The following EEF1E1 variants were observed in gnomAD, a reference collection of about 807,000 sequenced individuals.
EEF1E1 encodes the protein eukaryotic translation elongation factor 1 epsilon 1, also known as eukaryotic translation elongation factor 1 epsilon-1.
A neutral mutation model predicts 19.9 loss-of-function variants in EEF1E1; 19 were observed. The ratio of observed to expected loss-of-function variants is 0.95; its 90% CI spans 0.66 to 1.40. The LOEUF (loss-of-function observed/expected upper bound fraction) is 1.40, where lower values mean the gene tolerates loss of function less well. EEF1E1 is among the 40% of genes most tolerant of loss of function. The pLI, the probability that EEF1E1 is intolerant of heterozygous loss-of-function variation, is 0.00. For missense variants in EEF1E1, 198 were observed against 202.2 expected, an observed-to-expected ratio of 0.98 and a Z score of 0.13; for synonymous variants, 81 against 80.0, an observed-to-expected ratio of 1.01 and a Z score of -0.07.
At chr6:8,087,194 C>T (rs541590545) in intron 3 of EEF1E1, among the ~76,000 whole-genome samples, 1 of 152,206 alleles carries the variant, frequency 6.6e-6, no homozygotes, top group African/African-American at 2.4e-5. Flanking sequence ...GAGAGAATGA[C>T]GGGAAGGAGG....
At chr6:8,096,095 C>T (rs1271298715) in intron 2 of EEF1E1, among the ~76,000 whole-genome samples, 2 of 152,222 alleles carry the variant, frequency 1.3e-5, no homozygotes. Flanking sequence ...ATTTACATGT[C>T]TCAGAGATAA....
At chr6:8,077,307 T>C (rs934887100), downstream of EEF1E1, among the ~76,000 whole-genome samples, 1 of 152,198 alleles carries the variant, frequency 6.6e-6, no homozygotes, top group Non-Finnish European at 1.5e-5. Flanking sequence ...TGGCTTCAAC[T>C]TCAAGTCACC....
intron 3 of EEF1E1, among the ~76,000 whole-genome samples, chr6:8,084,954 C>T (rs1392818929): frequency 1.3e-5 from 2 of 152,094 alleles, no homozygotes; most frequent in African/African-American, 4.8e-5. Context: ...AGTTGTGCCT[C>T]ATGATCATTT....
intron 3 of EEF1E1, among the ~76,000 whole-genome samples, chr6:8,088,307 G>A (rs1757922124): frequency 6.6e-6 from 1 of 152,154 alleles, no homozygotes; most frequent in Admixed American, 6.5e-5. Flanking sequence ...GGGGCAGGAG[G>A]CAGAGAGGAG....
chr6:8,093,151 C>T (rs1223169906), intron 2 of EEF1E1, among the ~76,000 whole-genome samples: 10 of 151,994 alleles, frequency 6.6e-5, no homozygotes, highest in Admixed American at 5.2e-4. Context: ...GGATTACAGG[C>T]GTGAGCCACC....
downstream of EEF1E1, among the ~76,000 whole-genome samples, chr6:8,078,329 G>A (rs115029905): frequency 1.5e-3 from 225 of 150,318 alleles, 2 homozygotes; most frequent in African/African-American, 5.1e-3. Flanking sequence ...GAAGGGGAAC[G>A]GCTGGTCAGT....
At chr6:8,082,320 C>G (rs953759650) in intron 3 of EEF1E1, among the ~76,000 whole-genome samples, 1 of 152,088 alleles carries the variant, frequency 6.6e-6, no homozygotes, top group Non-Finnish European at 1.5e-5. Context: ...CTCTGTTGCC[C>G]AGACTGGAGG....
chr6:8,085,816 A>T (rs556664634), intron 3 of EEF1E1, among the ~76,000 whole-genome samples: 1 of 152,346 alleles, frequency 6.6e-6, no homozygotes, highest in South Asian at 2.1e-4. Context: ...TCTGTATTCT[A>T]CTTATCTGCC....
chr6:8,098,665 A>G (rs1758242297), intron 1 of EEF1E1, among the ~76,000 whole-genome samples: 1 of 152,178 alleles, frequency 6.6e-6, no homozygotes, highest in African/African-American at 2.4e-5. Context: ...ATCACCAATA[A>G]ATTAAATGTA....
At chr6:8,084,519 T>C (rs1489773244) in intron 3 of EEF1E1, among the ~76,000 whole-genome samples, 1 of 152,256 alleles carries the variant, frequency 6.6e-6, no homozygotes, top group African/African-American at 2.4e-5. Context: ...TTCAGTATCA[T>C]CTTTTTTATT....
downstream of EEF1E1, among the ~76,000 whole-genome samples, chr6:8,076,029 C>G (rs1467759243): frequency 6.6e-6 from 1 of 152,198 alleles, no homozygotes; most frequent in Non-Finnish European, 1.5e-5. Flanking sequence ...TCAGTACCAT[C>G]TTCAGGCTCT....
At chr6:8,075,539 T>TAG (rs1757570188), downstream of EEF1E1, among the ~76,000 whole-genome samples, 1 of 152,176 alleles carries the variant, frequency 6.6e-6, no homozygotes, top group Admixed American at 6.5e-5. Context: ...AAAACCACAA[T>TAG]GTATGCACCT....
chr6:8,094,174 G>A (rs1758101287), intron 2 of EEF1E1, among the ~76,000 whole-genome samples: 1 of 152,158 alleles, frequency 6.6e-6, no homozygotes, highest in Non-Finnish European at 1.5e-5. Flanking sequence ...GTAATACCAT[G>A]TTAGTTTTGT....
intron 3 of EEF1E1, among the ~76,000 whole-genome samples, chr6:8,081,593 C>T (rs761142478): frequency 2.0e-5 from 3 of 152,056 alleles, no homozygotes; most frequent in Non-Finnish European, 4.4e-5. Flanking sequence ...TGTAAAAGAG[C>T]ATTTTGTTCT....
intron 1 of EEF1E1, among the ~76,000 whole-genome samples, chr6:8,099,774 AC>A (rs1561646244): frequency 6.5e-5 from 8 of 123,378 alleles, no homozygotes; most frequent in Non-Finnish European, 1.0e-4. Flanking sequence ...ACACACACAC[AC>A]ACACACACAC....
intron 3 of EEF1E1, among the ~76,000 whole-genome samples, chr6:8,087,605 G>T (rs553075321): frequency 1.3e-5 from 2 of 152,338 alleles, no homozygotes; most frequent in Admixed American, 1.3e-4. Context: ...TGCCCGCCTT[G>T]GCCTCCCAAA....
chr6:8,102,425 T>C lies in EEF1E1; in HGVS notation c.87+10A>G, dbSNP rs759645669. 38 of 1,608,598 alleles carry C rather than the reference T, an allele frequency of 2.4e-5. No individual in the cohort carries two copies. The highest frequency in any genetic ancestry group is 3.1e-5 in the Non-Finnish European group (36 of 1,178,414). ...CACCTCTTCCCCTCCGCGCCGCCTCTCCTTCTCACCTGTCGCTCGCCCTGA... is the reference window on the plus strand; with the variant it reads ...CACCTCTTCCCCTCCGCGCCGCCTCCCCTTCTCACCTGTCGCTCGCCCTGA... On this transcript the variant is annotated intron_variant, in intron 1 of 3. Coordinates refer to ENST00000379715, the MANE Select transcript of EEF1E1 (RefSeq NM_004280.5).
At chr6:8,100,505 C>T (rs1283375236) in intron 1 of EEF1E1, among the ~76,000 whole-genome samples, 1 of 152,130 alleles carries the variant, frequency 6.6e-6, no homozygotes, top group Non-Finnish European at 1.5e-5. Flanking sequence ...AGGACACAGC[C>T]CTTCTGCACA....
At chr6:8,099,791 C>CAAAAAAAAAA (rs3031799) in intron 1 of EEF1E1, among the ~76,000 whole-genome samples, 3 of 114,626 alleles carry the variant, frequency 2.6e-5, no homozygotes, top group African/African-American at 6.6e-5. Context: ...CACACACACA[C>CAAAAAAAAAA]AAAAAAAAAA....
Sources: allele counts gnomAD v4.1 joint callset (sites outside exome capture counted in the v4.1 genomes callset), GRCh38; gene constraint gnomAD v4.1.1; transcripts MANE v1.5; gene names NCBI Gene and HGNC (gene_info 2026-07-23, HGNC 2026-07-21).